Variants in LRRFIP1 observed in about 807,000 individuals in gnomAD.
LRRFIP1 encodes the protein LRR binding FLII interacting protein 1.
Under a neutral mutation model 104.4 loss-of-function variants are expected in LRRFIP1, and 62 were observed. The ratio of observed to expected loss-of-function variants is 0.59; its 90% confidence interval spans 0.48 to 0.73. LRRFIP1 has a LOEUF of 0.73. Ranked by LOEUF, LRRFIP1 falls within the 30% of genes least tolerant of loss-of-function variation. The pLI is 0.00. For missense variants in LRRFIP1, 796 were observed against 824.5 expected (o/e 0.97, Z 0.42); for synonymous variants, 300 against 299.0 (o/e 1.00, Z -0.03).
chr2:237,755,247 C>T (rs139336635), intron 15 of LRRFIP1, among the ~76,000 whole-genome samples: 1 of 152,290 alleles, frequency 6.6e-6, no homozygotes, highest in East Asian at 1.9e-4. Flanking sequence ...TGAGGAGCAG[C>T]TAGGTTTTGC....
chr2:237,728,054 C>A, intron 8 of LRRFIP1, 119 bp downstream of exon 8: 1 of 702,654 alleles, frequency 1.4e-6, no homozygotes, highest in East Asian at 2.7e-5. Context: ...ATTTTAAAAT[C>A]GGTCTGTCTT....
At chr2:237,759,248 G>C (rs2059609665) in intron 18 of LRRFIP1, among the ~76,000 whole-genome samples, 1 of 152,144 alleles carries the variant, frequency 6.6e-6, no homozygotes, top group Admixed American at 6.5e-5. Flanking sequence ...AGACCTACTA[G>C]ATTACAGGTG....
At position 237,704,761 on chromosome 2, in the gene LRRFIP1, T is replaced by G. The variant is rs2093720371; in HGVS notation, c.97-3783T>G. On this transcript the variant is annotated intron_variant, in intron 1 of 23. Coordinates refer to ENST00000308482, the MANE Select transcript of LRRFIP1 (RefSeq NM_001137550.2). ...AATTGTATTCAGTGACAAATGGACT[T>G]CTTTCTGAATTCTAATGTAAGGTGG... is the stretch of plus-strand genomic sequence containing the variant. 6.6e-5 allele frequency among the ~76,000 whole-genome samples: 10 copies of G among 152,120 alleles called. No individual in the cohort carries two copies. The South Asian group carries it at 2.1e-3, about 32-fold the overall frequency.
chr2:237,755,619 G>A (rs1255983402), intron 15 of LRRFIP1, among the ~76,000 whole-genome samples: 2 of 152,214 alleles, frequency 1.3e-5, no homozygotes, highest in Non-Finnish European at 2.9e-5. Context: ...AAAGTCCAGA[G>A]GAATCTGTTT....
chr2:237,631,934 T>G (rs56262616), intron 1 of LRRFIP1, among the ~76,000 whole-genome samples: 63,913 of 152,042 alleles, frequency 0.42, 13,736 homozygotes, highest in East Asian at 0.46. Context: ...TGCAGCCTCC[T>G]CTCCAAGCTG....
intron 11 of LRRFIP1, among the ~76,000 whole-genome samples, chr2:237,740,302 G>A (rs1399811536): frequency 1.3e-5 from 2 of 151,886 alleles, no homozygotes; most frequent in African/African-American, 4.8e-5. Flanking sequence ...TGTAGTCGCA[G>A]CTACTCAGGA....
chr2:237,713,635 A>C (rs1018762543), intron 2 of LRRFIP1, among the ~76,000 whole-genome samples: 1 of 152,088 alleles, frequency 6.6e-6, no homozygotes, highest in Admixed American at 6.5e-5. Context: ...TAATGAATGA[A>C]TGAATGAATG....
chr2:237,690,836 C>CT (rs2092708951), intron 1 of LRRFIP1, among the ~76,000 whole-genome samples: 1 of 152,118 alleles, frequency 6.6e-6, no homozygotes, highest in South Asian at 2.1e-4. Flanking sequence ...ATTTCATTAT[C>CT]TTTGAAAGTT....
intron 1 of LRRFIP1, among the ~76,000 whole-genome samples, chr2:237,696,613 A>G (rs1463425566): frequency 6.6e-6 from 1 of 152,214 alleles, no homozygotes; most frequent in Non-Finnish European, 1.5e-5. Flanking sequence ...TTTTTCAGAT[A>G]AAGAGGAAAC....
At chr2:237,641,869 C>T (rs1462785908) in intron 1 of LRRFIP1, among the ~76,000 whole-genome samples, 1 of 152,182 alleles carries the variant, frequency 6.6e-6, no homozygotes, top group Non-Finnish European at 1.5e-5. Context: ...ATACTCCTGA[C>T]ACTTGGGAGG....
intron 1 of LRRFIP1, among the ~76,000 whole-genome samples, chr2:237,671,136 G>A (rs1023565381): frequency 1.3e-5 from 2 of 152,286 alleles, no homozygotes; most frequent in Non-Finnish European, 2.9e-5. Flanking sequence ...CTTCAGCTTC[G>A]AATGACCATT....
At chr2:237,655,637 T>G (rs2086691260) in intron 1 of LRRFIP1, among the ~76,000 whole-genome samples, 1 of 152,240 alleles carries the variant, frequency 6.6e-6, no homozygotes, top group Non-Finnish European at 1.5e-5. Context: ...CTGAATCCAC[T>G]AAAGCTGATT....
At position 237,735,176 on chromosome 2, in the gene LRRFIP1, T is replaced by G; in HGVS notation, c.490-92T>G. On this transcript the variant is annotated intron_variant, in intron 9 of 23. Transcript: ENST00000308482. This position sits in a 1 kb window ranked among gnomAD's most constrained non-coding sequence, Gnocchi z 4.6. ...TTTTTCAGGTCATGCTCCTGGCACG[T>G]GTCAGTTTTTCACAGCTCACGTTTT... is the stretch of plus-strand genomic sequence containing the variant. 1 of 980,780 alleles carries G rather than the reference T, an allele frequency of 1.0e-6. No individual in the cohort carries two copies. The highest frequency in any genetic ancestry group is 1.6e-6 in the Non-Finnish European group (1 of 644,438). 60.8% of individuals were successfully genotyped at this position (980,780 alleles called of 1,614,324 possible). A position where few individuals can be genotyped will look rare whatever the true frequency, so the allele number is the denominator to read the frequency against.
intron 1 of LRRFIP1, among the ~76,000 whole-genome samples, chr2:237,675,962 A>G (rs2091101908): frequency 6.6e-6 from 1 of 152,218 alleles, no homozygotes; most frequent in African/African-American, 2.4e-5. Flanking sequence ...CTTTGACCAT[A>G]ATTTTATTGT....
At chr2:237,760,596 CA>C (rs1208157235) in intron 19 of LRRFIP1, among the ~76,000 whole-genome samples, 1 of 152,178 alleles carries the variant, frequency 6.6e-6, no homozygotes, top group African/African-American at 2.4e-5. Context: ...ACAGAATTAT[CA>C]AAAGATCAGA....
At chr2:237,720,409 G>A (rs1358309431) in intron 5 of LRRFIP1, among the ~76,000 whole-genome samples, 5 of 151,552 alleles carry the variant, frequency 3.3e-5, no homozygotes, top group South Asian at 2.1e-4. Context: ...CATGACACCC[G>A]GCTAATTTTT....
rs1447258078 is a variant in LRRFIP1, at chr2:237,772,135, A to C, written c.1564A>C (p.Asn522His). ...EERQKIGKLD[N>H]LRSEDDVLEN... The stretch of plus-strand genomic sequence containing the variant: ...GAGACAGAAGATTGGCAAACTAGAC[A>C]ATCTTCGATCTGAAGATGATGTCTT... The change falls in exon 21 of 24, where the codon AAT becomes CAT. Residue 522 changes from asparagine (N) to histidine (H), a missense_variant. Asn to His is a moderately conservative substitution (Grantham distance 68). Coordinates refer to ENST00000308482, the MANE Select transcript of LRRFIP1 (RefSeq NM_001137550.2). 2 of 1,614,034 alleles carry C rather than the reference A, an allele frequency of 1.2e-6. No individual in the cohort carries two copies. Among genetic ancestry groups the C allele is most frequent in the Non-Finnish European group, 1.7e-6 (2 of 1,179,892 alleles).
Position 237,779,648 on chromosome 2 carries a change from T to A in LRRFIP1, c.*116T>A. The A allele has an allele frequency of 1.1e-6, 1 of 890,252 alleles. No homozygotes were observed. Among genetic ancestry groups the A allele is most frequent in the South Asian group, 1.6e-5 (1 of 63,492 alleles). 55.1% of individuals were successfully genotyped at this position (890,252 alleles called of 1,614,324 possible). On this transcript the variant is annotated 3_prime_UTR_variant, in exon 24 of 24. Transcript: ENST00000308482. ...CCTGCCTTCCGAGAGACGAAGACCG[T>A]GGCGAGCTTGGCGCTTAGGGGCTCC...
intron 6 of LRRFIP1, 42 bp from the exon 7 acceptor site, chr2:237,723,506 C>G (rs2094607618): frequency 6.2e-7 from 1 of 1,607,824 alleles, no homozygotes; most frequent in Non-Finnish European, 8.5e-7. Context: ...TGGCAACTCT[C>G]TTTGCTGTTG....
Sources: allele counts gnomAD v4.1 joint callset (sites outside exome capture counted in the v4.1 genomes callset), GRCh38; gene constraint gnomAD v4.1.1; non-coding constraint Gnocchi (gnomAD v3.1); transcripts MANE v1.5; gene names NCBI Gene and HGNC (gene_info 2026-07-23, HGNC 2026-07-21).